Variants in HDAC9 observed in about 807,000 individuals in gnomAD.
HDAC9 encodes the protein histone deacetylase 9.
A neutral mutation model predicts 139.4 loss-of-function variants in HDAC9; 41 were observed. The observed-to-expected ratio is 0.29, with a 90% CI of 0.23 to 0.38. The LOEUF (loss-of-function observed/expected upper bound fraction) is 0.38. Ranked by LOEUF, HDAC9 falls within the 10% of genes least tolerant of loss-of-function variation. The pLI, the probability that HDAC9 is intolerant of heterozygous loss-of-function variation, is 1.00. For synonymous variants in HDAC9, 517 were observed against 476.2 expected (o/e 1.09, Z -1.12); for missense variants, 1,147 against 1,297.0 (o/e 0.88, Z 1.78).
At chr7:18,924,656 TAG>T (rs1804053813) in intron 22 of HDAC9, among the ~76,000 whole-genome samples, 1 of 152,174 alleles carries the variant, frequency 6.6e-6, no homozygotes. Flanking sequence ...GATACTTATC[TAG>T]CACTTTAAAG....
At chr7:18,440,834 G>A (rs754770875) in intron 1 of HDAC9, among the ~76,000 whole-genome samples, 16 of 152,132 alleles carry the variant, frequency 1.1e-4, no homozygotes, top group Non-Finnish European at 2.2e-4. Context: ...CTTTCTTAGT[G>A]CAGCCTCATA....
chr7:18,707,308 A>G (rs968949905), intron 12 of HDAC9, among the ~76,000 whole-genome samples: 29 of 152,220 alleles, frequency 1.9e-4, no homozygotes, highest in African/African-American at 6.8e-4. Flanking sequence ...GAGAGAAATT[A>G]CAAGTGAAGG....
intron 21 of HDAC9, among the ~76,000 whole-genome samples, chr7:18,844,584 G>A (rs1460424501): frequency 2.0e-5 from 3 of 152,080 alleles, no homozygotes; most frequent in Admixed American, 1.3e-4. Flanking sequence ...TTTTTAGCTG[G>A]TTCTTAACTC....
intron 2 of HDAC9, among the ~76,000 whole-genome samples, chr7:18,170,159 G>T (rs1788313483): frequency 1.3e-5 from 2 of 152,174 alleles, no homozygotes; most frequent in South Asian, 4.1e-4. Context: ...ATTCTAACTG[G>T]TGTGAGATGG....
chr7:18,767,888 A>C (rs1405509789), intron 16 of HDAC9, among the ~76,000 whole-genome samples: 1 of 152,230 alleles, frequency 6.6e-6, no homozygotes, highest in African/African-American at 2.4e-5. Flanking sequence ...AAGGTATTTA[A>C]GTCAATTAAA....
At chr7:18,395,599 A>G (rs572954065) in intron 1 of HDAC9, among the ~76,000 whole-genome samples, 1 of 151,074 alleles carries the variant, frequency 6.6e-6, no homozygotes, top group Non-Finnish European at 1.5e-5. Flanking sequence ...TCTTTGTTAG[A>G]GTATTCTCAA....
chr7:18,163,000 A>G (rs1040061514), intron 2 of HDAC9, among the ~76,000 whole-genome samples: 2 of 152,176 alleles, frequency 1.3e-5, no homozygotes. Context: ...GATACCACAT[A>G]CTAGTAACAG....
intron 2 of HDAC9, among the ~76,000 whole-genome samples, chr7:18,249,900 T>C (rs1562793560): frequency 6.6e-6 from 1 of 152,184 alleles, no homozygotes; most frequent in African/African-American, 2.4e-5. Context: ...TAAATATGCC[T>C]GCTAATTTTA....
chr7:18,624,330 C>T (rs1178184686), intron 6 of HDAC9, among the ~76,000 whole-genome samples: 2 of 151,982 alleles, frequency 1.3e-5, no homozygotes, highest in African/African-American at 4.8e-5. Context: ...AGGATATTTT[C>T]TTTTAGGTGA....
intron 25 of HDAC9, among the ~76,000 whole-genome samples, chr7:18,995,672 A>C (rs961692613): frequency 6.6e-6 from 1 of 152,210 alleles, no homozygotes; most frequent in Admixed American, 6.5e-5. Flanking sequence ...AACTGGTTCC[A>C]TAGGAAATCA....
intron 16 of HDAC9, among the ~76,000 whole-genome samples, chr7:18,778,911 C>T (rs959759808): frequency 6.6e-6 from 1 of 152,046 alleles, no homozygotes; most frequent in Non-Finnish European, 1.5e-5. Flanking sequence ...GTTGATCATA[C>T]CGGGAGATGG....
chr7:18,522,073 C>G lies in HDAC9; in HGVS notation c.22+25749C>G, dbSNP rs149293380. On this transcript the variant is annotated intron_variant, in intron 2 of 25. Transcript: ENST00000686413. Reference sequence around the variant, plus strand: ...TATACAGAAGACAGGATGTAAGTCTCCAAGGTAATCAAGACCAACAGGAGG... The same window carrying G: ...TATACAGAAGACAGGATGTAAGTCTGCAAGGTAATCAAGACCAACAGGAGG... Among the ~76,000 whole-genome samples the G allele has an allele frequency of 7.7e-3, 1,167 of 152,184 alleles. 23 individuals are homozygous for G. Among genetic ancestry groups the G allele is most frequent in the Non-Finnish European group, 6.7e-3 (454 of 67,994 alleles).
chr7:18,853,452 A>G (rs1375487745), intron 21 of HDAC9, among the ~76,000 whole-genome samples: 3 of 152,204 alleles, frequency 2.0e-5, no homozygotes, highest in Non-Finnish European at 4.4e-5. Context: ...AATGAGCATC[A>G]ATTGTAAGAT....
intron 12 of HDAC9, among the ~76,000 whole-genome samples, chr7:18,703,797 C>G (rs1406132306): frequency 1.3e-5 from 2 of 151,950 alleles, no homozygotes; most frequent in African/African-American, 4.8e-5. Flanking sequence ...GGCAGTGTCA[C>G]ATTCCTACCT....
At chr7:18,747,815 G>A (rs1163316331) in intron 13 of HDAC9, among the ~76,000 whole-genome samples, 1 of 152,120 alleles carries the variant, frequency 6.6e-6, no homozygotes, top group Non-Finnish European at 1.5e-5. Flanking sequence ...CCATTCTTCT[G>A]CATTATTTGA....
intron 16 of HDAC9, among the ~76,000 whole-genome samples, chr7:18,768,920 C>T (rs1038851567): frequency 6.6e-6 from 1 of 152,142 alleles, no homozygotes. Flanking sequence ...GATGTTTAAA[C>T]TTTATTATAA....
rs1399189691 is a variant in HDAC9 at position 18,997,429 on chromosome 7, C to T, written c.*1367C>T. On this transcript the variant is annotated 3_prime_UTR_variant, in exon 26 of 26. Transcript: ENST00000686413. Reference sequence around the variant, plus strand: ...TAAATATAAGTAGGTTATCCTCCTACCTCCTAAAATTCGATTTCAACATAT... The same window carrying T: ...TAAATATAAGTAGGTTATCCTCCTATCTCCTAAAATTCGATTTCAACATAT... The T allele has an allele frequency of 6.6e-6, 1 of 152,112 alleles. No individual in the cohort carries two copies. Among genetic ancestry groups the T allele is most frequent in the African/African-American group, 2.4e-5 (1 of 41,444 alleles). 9.4% of individuals were successfully genotyped at this position (152,112 alleles called of 1,614,324 possible). A position where few individuals can be genotyped will look rare whatever the true frequency, so the allele number is the denominator to read the frequency against.
At chr7:18,374,591 C>T (rs981772304) in intron 1 of HDAC9, among the ~76,000 whole-genome samples, 1 of 150,766 alleles carries the variant, frequency 6.6e-6, no homozygotes, top group Non-Finnish European at 1.5e-5. Flanking sequence ...ATTAAAATGG[C>T]TACAACATCA....
intron 1 of HDAC9, among the ~76,000 whole-genome samples, chr7:18,296,665 T>C (rs1798171476): frequency 6.6e-6 from 1 of 152,162 alleles, no homozygotes. Flanking sequence ...GTAGGATGGA[T>C]TGGAAAGGAG....
Sources: gnomAD v4.1 joint callset for allele counts (sites outside exome capture counted in the v4.1 genomes callset) on GRCh38, gnomAD v4.1.1 for gene constraint, MANE v1.5 for transcripts, NCBI Gene and HGNC (gene_info 2026-07-23, HGNC 2026-07-21) for gene names.